SNAP91: variants seen among roughly 807,000 people sequenced by gnomAD.
The protein encoded by SNAP91 is clathrin coat assembly protein AP180.
In SNAP91, 27 loss-of-function variants were observed where a neutral mutation model predicts 100.3. The observed-to-expected ratio is 0.27, with a 90% confidence interval of 0.20 to 0.37. The LOEUF (loss-of-function observed/expected upper bound fraction) is 0.37, where lower values mean the gene tolerates loss of function less well. SNAP91 is among the 10% of genes least tolerant of loss of function. SNAP91 has a pLI of 1.00. For missense variants in SNAP91, 986 were observed against 1,123.7 expected, an observed-to-expected ratio of 0.88 and a Z score of 1.75; for synonymous variants, 404 against 398.6, an observed-to-expected ratio of 1.01 and a Z score of -0.16.
chr6:83,553,951 A>C lies in SNAP91; in HGVS notation c.*345T>G, dbSNP rs1054862535. On this transcript the variant is annotated 3_prime_UTR_variant, in exon 30 of 30. Coordinates refer to ENST00000369694, the MANE Select transcript of SNAP91 (RefSeq NM_001242792.2). ...TGTACATTGAAACCTTCAAAAACAC[A>C]GACGTCTTTCCAAATAGCTCGCCAC... 1 of 152,558 alleles carries C rather than the reference A, an allele frequency of 6.6e-6. No homozygotes were observed. The highest frequency in any genetic ancestry group is 1.5e-5 in the Non-Finnish European group (1 of 68,158). 9.5% of individuals were successfully genotyped at this position (152,558 alleles called of 1,614,324 possible). A position where few individuals can be genotyped will look rare whatever the true frequency, so the allele number is the denominator to read the frequency against.
intron 11 of SNAP91, among the ~76,000 whole-genome samples, chr6:83,611,210 C>A (rs375294219): frequency 1.5e-3 from 232 of 152,134 alleles, no homozygotes; most frequent in African/African-American, 3.7e-3. Context: ...GTTTTCCCCC[C>A]CCATGGCTGT....
intron 28 of SNAP91, among the ~76,000 whole-genome samples, chr6:83,556,771 G>C (rs918717040): frequency 6.6e-6 from 1 of 152,222 alleles, no homozygotes; most frequent in Non-Finnish European, 1.5e-5. Flanking sequence ...CCTGTAGTGA[G>C]AGTGAATTTG....
At chr6:83,585,782 T>C (rs2092438303) in intron 22 of SNAP91, among the ~76,000 whole-genome samples, 1 of 152,118 alleles carries the variant, frequency 6.6e-6, no homozygotes, top group Non-Finnish European at 1.5e-5. Flanking sequence ...CAAGTCTGAC[T>C]GTCATAGTCT....
At chr6:83,609,160 A>T (rs997016699) in intron 12 of SNAP91, among the ~76,000 whole-genome samples, 2 of 152,202 alleles carry the variant, frequency 1.3e-5, no homozygotes, top group African/African-American at 4.8e-5. Flanking sequence ...GCCTTGTAAC[A>T]ACAAGCTCTG....
intron 2 of SNAP91, among the ~76,000 whole-genome samples, chr6:83,669,310 T>G (rs188762989): frequency 6.6e-6 from 1 of 152,002 alleles, no homozygotes; most frequent in Admixed American, 6.6e-5. Flanking sequence ...AAAAGATAAT[T>G]TTCATTTAAA....
chr6:83,573,233 C>A (rs1811617827), intron 26 of SNAP91, among the ~76,000 whole-genome samples: 1 of 152,122 alleles, frequency 6.6e-6, no homozygotes, highest in African/African-American at 2.4e-5. Context: ...ACCTAGGAAT[C>A]CAACTTACAA....
At chr6:83,689,229 A>G (rs1345755192) in intron 2 of SNAP91, among the ~76,000 whole-genome samples, 1 of 152,180 alleles carries the variant, frequency 6.6e-6, no homozygotes, top group Non-Finnish European at 1.5e-5. Context: ...CAGAGCAGCC[A>G]TTATGATTCG....
At position 83,560,984 on chromosome 6, in the gene SNAP91, C is replaced by T. The variant is rs1786438231; in HGVS notation, c.2443-37G>A. The T allele has an allele frequency of 9.9e-6, 13 of 1,309,080 alleles. No individual in the cohort carries two copies. In the East Asian group the frequency reaches 2.9e-4, roughly 29 times the overall value. 81.1% of individuals were successfully genotyped at this position (1,309,080 alleles called of 1,614,324 possible). A position where few individuals can be genotyped will look rare whatever the true frequency, so the allele number is the denominator to read the frequency against. On this transcript the variant is annotated intron_variant, in intron 26 of 29. Transcript: ENST00000369694. ...GACAGACATACACATATAAATAACA[C>T]AAAAACACACAAACACATGCACGAC...
At chr6:83,660,976 C>G (rs989888279) in intron 5 of SNAP91, among the ~76,000 whole-genome samples, 1 of 151,880 alleles carries the variant, frequency 6.6e-6, no homozygotes, top group Non-Finnish European at 1.5e-5. Flanking sequence ...GAGAAAGTCT[C>G]ACTGCATTGC....
intron 22 of SNAP91, among the ~76,000 whole-genome samples, chr6:83,583,140 C>T (rs2128134362): frequency 6.6e-6 from 1 of 152,310 alleles, no homozygotes; most frequent in Admixed American, 6.5e-5. Context: ...TGTCAGATGC[C>T]TGCTCTGGGA....
chr6:83,666,129 T>C (rs571211212), intron 2 of SNAP91, among the ~76,000 whole-genome samples: 2 of 152,128 alleles, frequency 1.3e-5, no homozygotes, highest in Non-Finnish European at 2.9e-5. Flanking sequence ...TGTAAGCTTT[T>C]GTAGAACAAC....
intron 13 of SNAP91, 114 bp from the exon 14 acceptor site, chr6:83,605,917 A>C: frequency 1.1e-6 from 1 of 921,870 alleles, no homozygotes; most frequent in South Asian, 1.8e-5. Flanking sequence ...AAATCCAATA[A>C]AAGAATAATA....
intron 26 of SNAP91, among the ~76,000 whole-genome samples, chr6:83,574,499 G>A (rs1476021738): frequency 6.6e-6 from 1 of 152,018 alleles, no homozygotes; most frequent in Non-Finnish European, 1.5e-5. Context: ...ATTTTAAAAT[G>A]AACTTACACA....
intron 2 of SNAP91, among the ~76,000 whole-genome samples, chr6:83,704,899 C>T (rs1394248544): frequency 2.0e-5 from 3 of 152,098 alleles, no homozygotes; most frequent in African/African-American, 4.8e-5. Context: ...ATCTTCAATG[C>T]CTATAAAGAA....
chr6:83,661,576 G>T lies in SNAP91; in HGVS notation c.378C>A (p.Arg126=). The change falls in exon 5 of 30, where the codon CGC becomes CGA. Residue 126 remains arginine, a synonymous_variant. Transcript: ENST00000369694. Reference sequence around the variant, plus strand: ...CCTTTTCATTCAAATATCTACTATAGCGCCTTATGAAGGTAGACATATCAT... The same window carrying T: ...CCTTTTCATTCAAATATCTACTATATCGCCTTATGAAGGTAGACATATCAT... ...HGYDMSTFIR[R]YSRYLNEKAF... The T allele has an allele frequency of 6.2e-7, 1 of 1,606,798 alleles. No homozygotes were observed. The highest frequency in any genetic ancestry group is 1.3e-5 in the African/African-American group (1 of 74,612).
chr6:83,643,701 C>T (rs1323233517), intron 7 of SNAP91, among the ~76,000 whole-genome samples: 1 of 152,102 alleles, frequency 6.6e-6, no homozygotes, highest in Admixed American at 6.6e-5. Context: ...TATATAATTA[C>T]ACAAAGAACT....
chr6:83,630,309 C>CT (rs1562422975), intron 8 of SNAP91, among the ~76,000 whole-genome samples: 1 of 151,840 alleles, frequency 6.6e-6, no homozygotes, highest in Non-Finnish European at 1.5e-5. Flanking sequence ...CTGTAGTTTT[C>CT]TTTTTTGGTT....
intron 26 of SNAP91, among the ~76,000 whole-genome samples, chr6:83,568,930 CTA>C (rs1346374550): frequency 6.6e-6 from 1 of 151,962 alleles, no homozygotes; most frequent in Non-Finnish European, 1.5e-5. Flanking sequence ...TAGAAAGAGA[CTA>C]TAAAGGAATA....
chr6:83,607,329 T>TG (rs148264353), intron 13 of SNAP91, among the ~76,000 whole-genome samples: 2 of 144,792 alleles, frequency 1.4e-5, no homozygotes, highest in Non-Finnish European at 3.0e-5. Context: ...CCAAGTTGGG[T>TG]TGTGTGTGTG....
Sources: gnomAD v4.1 joint callset for allele counts (sites outside exome capture counted in the v4.1 genomes callset) on GRCh38, gnomAD v4.1.1 for gene constraint, MANE v1.5 for transcripts, NCBI Gene and HGNC (gene_info 2026-07-23, HGNC 2026-07-21) for gene names.